CEP131: variants seen among roughly 807,000 people sequenced by gnomAD.
The protein encoded by CEP131 is centrosomal protein 131.
In CEP131, 99 loss-of-function variants were observed where a neutral mutation model predicts 136.8. That is an observed-to-expected ratio of 0.72 (90% CI 0.62 to 0.86). CEP131 has a LOEUF of 0.86. Ranked by LOEUF, CEP131 falls within the 40% of genes least tolerant of loss-of-function variation. The pLI is 0.00. For synonymous variants in CEP131, 646 were observed against 612.7 expected (o/e 1.05, Z -0.80); for missense variants, 1,459 against 1,463.0 (o/e 1.00, Z 0.04).
rs368132636 is a variant in CEP131 at position 81,219,858 on chromosome 17, A to C, written c.177+22T>G. On this transcript the variant is annotated intron_variant, in intron 2 of 25. Transcript: ENST00000450824. The surrounding 1 kb of genome is among the most constrained non-coding windows in gnomAD (Gnocchi z 4.0). ...AGCCCTCCAGGAGGCAGGGGCCCGGACTCCTAGGCCACAGTACTCACCAGC... is the reference window on the plus strand; with the variant it reads ...AGCCCTCCAGGAGGCAGGGGCCCGGCCTCCTAGGCCACAGTACTCACCAGC... 6.5e-7 allele frequency: 1 copy of C among 1,537,954 alleles called. No homozygotes were observed. The highest frequency in any genetic ancestry group is 2.0e-5 in the Admixed American group (1 of 51,246).
intron 15 of CEP131, among the ~76,000 whole-genome samples, chr17:81,196,279 T>G (rs1359866053): frequency 6.6e-6 from 1 of 152,168 alleles, no homozygotes; most frequent in African/African-American, 2.4e-5. Context: ...GGAGGCTCAC[T>G]GTCTGCCAAA....
Position 81,190,677 on chromosome 17 carries a change from C to T in CEP131, c.3069G>A (p.Gln1023=). Residue 1023 remains glutamine (Q), a synonymous_variant, in exon 24 of 26, where the codon CAG becomes CAA. Coordinates refer to ENST00000450824, the MANE Select transcript of CEP131 (RefSeq NM_014984.4). ...RQAKAELATL[Q]ARQQLELEEV... ...CCTCCAGCTCCAGCTGCTGGCGGGC[C>T]TGCAGCGTGGCCAGCTCGGCCTTGG... is the stretch of plus-strand genomic sequence containing the variant. 2 of 1,602,654 alleles carry T rather than the reference C, an allele frequency of 1.2e-6. No individual in the cohort carries two copies. The highest frequency in any genetic ancestry group is 1.7e-6 in the Non-Finnish European group (2 of 1,177,024).
chr17:81,195,986 A>T, intron 15 of CEP131, 35 bp from the exon 16 acceptor site: 2 of 1,564,770 alleles, frequency 1.3e-6, no homozygotes, highest in African/African-American at 2.7e-5. Flanking sequence ...TGCTACACCA[A>T]GGCCCCAGCC....
At position 81,209,068 on chromosome 17, in the gene CEP131, C is replaced by T. The variant is rs757108457; in HGVS notation, c.178-46G>A. On this transcript the variant is annotated intron_variant, in intron 2 of 25. Transcript: ENST00000450824. ...GTTAATTATGCAGCAAAGGCTCACT[C>T]ACCAGTTTGCTCAGCCTCCGCCAGC... is the stretch of plus-strand genomic sequence containing the variant. 1.9e-5 allele frequency: 27 copies of T among 1,409,316 alleles called. 1 individual carries two copies. The East Asian group carries it at 6.3e-4, about 33-fold the overall frequency. The allele number at this position is 1,409,316 out of a possible 1,614,324, so 87.3% of individuals were successfully genotyped here.
chr17:81,205,018 T>C (rs2061972736), intron 5 of CEP131, among the ~76,000 whole-genome samples: 1 of 152,124 alleles, frequency 6.6e-6, no homozygotes, highest in Admixed American at 6.5e-5. Flanking sequence ...CCTAGCACTT[T>C]GGGAGGCTGA....
chr17:81,205,200 G>A (rs868458376), intron 5 of CEP131, among the ~76,000 whole-genome samples: 4 of 151,376 alleles, frequency 2.6e-5, no homozygotes, highest in Admixed American at 1.3e-4. Context: ...CGGAGGTTGC[G>A]GTGAGCCGAG....
Position 81,191,347 on chromosome 17 carries a change from TGC to T in CEP131, c.2623-14_2623-13del. 3 of 1,612,336 alleles carry T rather than the reference TGC, an allele frequency of 1.9e-6. No individual in the cohort carries two copies. The highest frequency in any genetic ancestry group is 2.5e-6 in the Non-Finnish European group (3 of 1,179,590). On this transcript the variant is annotated splice_polypyrimidine_tract_variant and intron_variant, in intron 21 of 25. Coordinates refer to ENST00000450824, the MANE Select transcript of CEP131 (RefSeq NM_014984.4). Reference sequence around the variant, plus strand: ...AGCAGCCACGCCTCCTGGGGGGACATGCGCTGCCTGGGGGTTGCCACCCGGAG... The same window carrying T: ...AGCAGCCACGCCTCCTGGGGGGACATGCTGCCTGGGGGTTGCCACCCGGAG...
Position 81,192,656 on chromosome 17 carries a change from G to A in CEP131, c.2430-63C>T, listed in dbSNP as rs1189408560. On this transcript the variant is annotated intron_variant, in intron 19 of 25. Transcript: ENST00000450824. The stretch of plus-strand genomic sequence containing the variant: ...GAGTAAGGAGTCAGGGATGGGAGAG[G>A]TCAGCGGGTGAGGGGGCGGGGGGGA... The A allele has an allele frequency of 8.0e-6, 11 of 1,370,982 alleles. No homozygotes were observed. The East Asian group carries it at 2.1e-4, about 26-fold the overall frequency. The allele number at this position is 1,370,982 out of a possible 1,614,324, so 84.9% of individuals were successfully genotyped here.
chr17:81,214,677 A>AC (rs1460718613), intron 2 of CEP131, among the ~76,000 whole-genome samples: 1 of 152,232 alleles, frequency 6.6e-6, no homozygotes, highest in African/African-American at 2.4e-5. Flanking sequence ...ACGTGTGCCA[A>AC]CCAGAGCACG....
In CEP131 at chr17:81,213,302, G is replaced by A. The variant is rs1000641298; in HGVS notation, c.178-4280C>T. ...GGGCCAGGTGCAGTGGCTCATGCCT[G>A]TAATCCCAGCACTTTGGGAAGCCAA... On this transcript the variant is annotated intron_variant, in intron 2 of 25. Transcript: ENST00000450824. 2.6e-5 allele frequency among the ~76,000 whole-genome samples: 4 copies of A among 152,350 alleles called. No individual in the cohort carries two copies. The South Asian group carries it at 6.2e-4, about 24-fold the overall frequency.
At position 81,198,304 on chromosome 17, in the gene CEP131, A is replaced by G. The variant is rs1274640681; in HGVS notation, c.1288-7T>C. 15 of 1,587,912 alleles carry G rather than the reference A, an allele frequency of 9.4e-6. No individual in the cohort carries two copies. Among genetic ancestry groups the G allele is most frequent in the Non-Finnish European group, 1.3e-5 (15 of 1,165,408 alleles). The stretch of plus-strand genomic sequence containing the variant: ...CATCCTGGGCAAGAACGTCCTGCAA[A>G]AGAGCAGGGAGACAGATGCAGCAAG... On this transcript the variant is annotated splice_polypyrimidine_tract_variant and splice_region_variant and intron_variant, in intron 11 of 25. Coordinates refer to ENST00000450824, the MANE Select transcript of CEP131 (RefSeq NM_014984.4).
intron 3 of CEP131, among the ~76,000 whole-genome samples, chr17:81,207,960 CACA>C (rs2062047555): frequency 2.7e-3 from 2 of 732 alleles, no homozygotes; most frequent in Non-Finnish European, 6.9e-3. Context: ...ACCCCATACA[CACA>C]CACACACCAC....
intron 7 of CEP131, among the ~76,000 whole-genome samples, chr17:81,201,693 G>A (rs1313326160): frequency 6.6e-6 from 1 of 152,192 alleles, no homozygotes; most frequent in East Asian, 1.9e-4. Context: ...CACTGCCCCT[G>A]GAGGAGCCCT....
chr17:81,207,058 CA>C (rs2062023078), intron 4 of CEP131, 66 bp downstream of exon 4: 1 of 1,559,258 alleles, frequency 6.4e-7, no homozygotes, highest in African/African-American at 1.4e-5. Flanking sequence ...GCAGTGAGAA[CA>C]AATTAGGAAC....
At chr17:81,197,943 T>C (rs1310837167) in intron 12 of CEP131, 55 bp from the exon 13 acceptor site, 1 of 1,577,418 alleles carries the variant, frequency 6.3e-7, no homozygotes, top group Non-Finnish European at 8.6e-7. Flanking sequence ...AGGACTTGGG[T>C]TCCCCAAAGG....
chr17:81,198,038 C>G, intron 12 of CEP131, 77 bp downstream of exon 12: 1 of 1,483,710 alleles, frequency 6.7e-7, no homozygotes, highest in South Asian at 1.3e-5. Context: ...ATTTTCCCAA[C>G]CCCCACAGCC....
In CEP131 at chr17:81,222,083, G is replaced by A. The variant is rs557485370; in HGVS notation, c.-18+686C>T. ...GCAGGGCACTGTCCACCCCTGGCTG[G>A]ACCCATGCAAGCCCTTGGAGCCCAG... is the stretch of plus-strand genomic sequence containing the variant. On this transcript the variant is annotated intron_variant, in intron 1 of 25. Coordinates refer to ENST00000450824, the MANE Select transcript of CEP131 (RefSeq NM_014984.4). Among the ~76,000 whole-genome samples the A allele has an allele frequency of 3.3e-5, 5 of 152,310 alleles. 1 individual carries two copies. In the South Asian group the frequency reaches 1.0e-3, roughly 32 times the overall value.
At chr17:81,201,877 G>T (rs373781699) in intron 7 of CEP131, among the ~76,000 whole-genome samples, 1 of 152,168 alleles carries the variant, frequency 6.6e-6, no homozygotes, top group Non-Finnish European at 1.5e-5. Flanking sequence ...GGAGGCGGGC[G>T]GATCACGAGG....
chr17:81,206,672 CA>C, intron 5 of CEP131, 71 bp downstream of exon 5: 1 of 1,521,708 alleles, frequency 6.6e-7, no homozygotes, highest in South Asian at 1.3e-5. Flanking sequence ...ATAAACAAGA[CA>C]AAGACACACA....
Sources: allele counts gnomAD v4.1 joint callset (sites outside exome capture counted in the v4.1 genomes callset), GRCh38; gene constraint gnomAD v4.1.1; non-coding constraint Gnocchi (gnomAD v3.1); transcripts MANE v1.5; gene names NCBI Gene and HGNC (gene_info 2026-07-23, HGNC 2026-07-21).